Variants in TNPO3 observed in about 807,000 individuals in gnomAD.
TNPO3 encodes transportin-3.
Under a neutral mutation model 122.8 loss-of-function variants are expected in TNPO3, and 65 were observed. That is an observed-to-expected ratio of 0.53 (90% confidence interval 0.43 to 0.65). The LOEUF (loss-of-function observed/expected upper bound fraction) is 0.65, where lower values mean the gene tolerates loss of function less well. Ranked by LOEUF, TNPO3 falls within the 30% of genes least tolerant of loss-of-function variation. The pLI, the probability that TNPO3 is intolerant of heterozygous loss-of-function variation, is 0.00. For missense variants in TNPO3, 850 were observed against 1,136.7 expected, an observed-to-expected ratio of 0.75 and a Z score of 3.63; for synonymous variants, 372 against 411.2, an observed-to-expected ratio of 0.90 and a Z score of 1.15.
chr7:129,027,525 C>T (rs531698763), intron 1 of TNPO3, among the ~76,000 whole-genome samples: 25 of 119,736 alleles, frequency 2.1e-4, no homozygotes, highest in Non-Finnish European at 3.7e-4. Flanking sequence ...CACACTACTG[C>T]ACTCCAGCCT....
intron 21 of TNPO3, among the ~76,000 whole-genome samples, chr7:128,960,352 C>T (rs1797321096): frequency 6.6e-6 from 1 of 151,936 alleles, no homozygotes; most frequent in Non-Finnish European, 1.5e-5. Flanking sequence ...AAAAAATTTA[C>T]TGTAAAACAG....
chr7:129,014,911 T>C (rs1228824402), intron 4 of TNPO3, 68 bp downstream of exon 4: 15 of 1,478,070 alleles, frequency 1.0e-5, no homozygotes, highest in East Asian at 7.3e-5. Context: ...AATAATGCAA[T>C]TGATTACAAA....
intron 18 of TNPO3, among the ~76,000 whole-genome samples, chr7:128,974,253 C>A (rs1388448664): frequency 6.7e-6 from 1 of 148,748 alleles, no homozygotes; most frequent in African/African-American, 2.5e-5. Flanking sequence ...AATGATATAA[C>A]AGTTGGGCTT....
intron 5 of TNPO3, 90 bp from the exon 6 acceptor site, chr7:129,001,324 C>A (rs980520309): frequency 3.9e-6 from 4 of 1,038,914 alleles, no homozygotes; most frequent in Middle Eastern, 5.0e-4. Context: ...GTTCAATCAA[C>A]CATCGATAGA....
chr7:129,051,546 A>G (rs149634501), intron 1 of TNPO3, among the ~76,000 whole-genome samples: 385 of 152,148 alleles, frequency 2.5e-3, no homozygotes, highest in African/African-American at 8.8e-3. Context: ...TATGTTGCCC[A>G]GGCTGGTCTT....
intron 1 of TNPO3, among the ~76,000 whole-genome samples, chr7:129,044,069 CTT>C (rs2150547303): frequency 6.6e-6 from 1 of 152,304 alleles, no homozygotes; most frequent in South Asian, 2.1e-4. Flanking sequence ...ATATGTCTAA[CTT>C]AAAGTATTGT....
At chr7:129,004,436 CT>C (rs1182595549) in intron 5 of TNPO3, among the ~76,000 whole-genome samples, 1 of 152,160 alleles carries the variant, frequency 6.6e-6, no homozygotes, top group African/African-American at 2.4e-5. Flanking sequence ...TCTACCAAGA[CT>C]ATATTACTAG....
At chr7:129,004,194 G>A (rs1270950857) in intron 5 of TNPO3, among the ~76,000 whole-genome samples, 2 of 152,098 alleles carry the variant, frequency 1.3e-5, no homozygotes, top group African/African-American at 4.8e-5. Context: ...TTAATTCACA[G>A]TGGCATCAAT....
At chr7:129,003,064 A>AG (rs1554439863) in intron 5 of TNPO3, among the ~76,000 whole-genome samples, 4,037 of 130,172 alleles carry the variant, frequency 0.031, 242 homozygotes, top group African/African-American at 0.11. Flanking sequence ...AAAAAAAAAA[A>AG]TACAAAAAAT....
Position 129,025,350 on chromosome 7 carries a change from C to CAAAAAAAAAA in TNPO3, c.121-7203_121-7194dup, listed in dbSNP as rs71162548. The stretch of plus-strand genomic sequence containing the variant: ...AGGCAACAAGAGTGAAACTCTGTCA[C>CAAAAAAAAAA]AAAAAAAAAAAAAAAAAAAAAAAAA... On this transcript the variant is annotated intron_variant, in intron 1 of 22. Transcript: ENST00000265388. Among the ~76,000 whole-genome samples, 4 of 20,718 alleles carry CAAAAAAAAAA rather than the reference C, an allele frequency of 1.9e-4. 2 individuals are homozygous for CAAAAAAAAAA. Among genetic ancestry groups the CAAAAAAAAAA allele is most frequent in the African/African-American group, 4.1e-4 (2 of 4,894 alleles). 13.6% of individuals were successfully genotyped at this position (20,718 alleles called of 152,430 possible).
At chr7:129,051,586 T>C (rs1808776714) in intron 1 of TNPO3, among the ~76,000 whole-genome samples, 2 of 152,136 alleles carry the variant, frequency 1.3e-5, no homozygotes, top group African/African-American at 4.8e-5. Context: ...ATCCTCCACC[T>C]TGGACTCCCA....
In TNPO3 at chr7:128,956,526, T is replaced by C. The variant is rs1796914145; in HGVS notation, c.*31+698A>G. ...GTAAGGGCCAAGCATCCCTAACAGC[T>C]GAAACTTTTTGAACGCTGATATGAC... On this transcript the variant is annotated intron_variant, in intron 22 of 22. Coordinates refer to ENST00000265388, the MANE Select transcript of TNPO3 (RefSeq NM_012470.4). Among the ~76,000 whole-genome samples the C allele has an allele frequency of 2.0e-5, 3 of 152,280 alleles. No individual in the cohort carries two copies. In the South Asian group the frequency reaches 6.2e-4, roughly 32 times the overall value.
At chr7:129,032,094 A>G (rs1312295358) in intron 1 of TNPO3, among the ~76,000 whole-genome samples, 1 of 152,240 alleles carries the variant, frequency 6.6e-6, no homozygotes, top group Non-Finnish European at 1.5e-5. Flanking sequence ...CATTAACAGA[A>G]TGAAGAAGGA....
chr7:129,027,074 G>A (rs963138957), intron 1 of TNPO3, among the ~76,000 whole-genome samples: 1 of 152,096 alleles, frequency 6.6e-6, no homozygotes, highest in Admixed American at 6.6e-5. Flanking sequence ...AATCACACCT[G>A]GCCTGTAAGA....
At chr7:128,970,427 T>TGC (rs907443957) in intron 19 of TNPO3, 112 bp from the exon 20 acceptor site, 9 of 982,116 alleles carry the variant, frequency 9.2e-6, no homozygotes, top group Admixed American at 7.9e-5. Flanking sequence ...TGTGTGTGTG[T>TGC]GCACGCGTGG....
At chr7:129,020,346 C>G (rs190733620) in intron 1 of TNPO3, among the ~76,000 whole-genome samples, 1 of 152,250 alleles carries the variant, frequency 6.6e-6, no homozygotes, top group African/African-American at 2.4e-5. Flanking sequence ...GTAAAAAAAT[C>G]TTCCAAAGAT....
chr7:128,975,826 A>G lies in TNPO3; in HGVS notation c.2171T>C (p.Met724Thr). 6.2e-7 allele frequency: 1 copy of G among 1,609,074 alleles called. No individual in the cohort carries two copies. The highest frequency in any genetic ancestry group is 8.5e-7 in the Non-Finnish European group (1 of 1,175,362). Residue 724 changes from methionine (M) to threonine (T), a missense_variant, in exon 17 of 23, where the codon ATG becomes ACG. Transcript: ENST00000265388. ...EEGCRQGLLD[M>T]LQALCIPTFQ... ...TCCTCATGGAAAAGATACCTGGAGC[A>G]TGTCTAGCAGTCCCTGCCGACAGCC...
In TNPO3 at chr7:129,050,061, TTTTC is replaced by T. The variant is rs1328735506; in HGVS notation, c.120+4586_120+4589del. On this transcript the variant is annotated intron_variant, in intron 1 of 22. Coordinates refer to ENST00000265388, the MANE Select transcript of TNPO3 (RefSeq NM_012470.4). ...CAATATAGCGAGACCCCAACTTTTCTTTTCTTTTTTTTCTTTTTTTAAAAAGGGT... is the reference window on the plus strand; with the variant it reads ...CAATATAGCGAGACCCCAACTTTTCTTTTTTTTTCTTTTTTTAAAAAGGGT... Among the ~76,000 whole-genome samples, 10 of 151,636 alleles carry T rather than the reference TTTTC, an allele frequency of 6.6e-5. No homozygotes were observed. In the East Asian group the frequency reaches 2.1e-3, roughly 32 times the overall value.
At chr7:129,028,901 T>C in intron 1 of TNPO3, 1 of 390,746 alleles carries the variant, frequency 2.6e-6, no homozygotes, top group Non-Finnish European at 5.0e-6. Flanking sequence ...CATGAAGAGT[T>C]TAATAATGAA....
Sources: allele counts gnomAD v4.1 joint callset (sites outside exome capture counted in the v4.1 genomes callset), GRCh38; gene constraint gnomAD v4.1.1; transcripts MANE v1.5; gene names NCBI Gene and HGNC (gene_info 2026-07-23, HGNC 2026-07-21).